Variants in CRELD2 observed in about 807,000 individuals in gnomAD.
CRELD2 encodes the protein protein disulfide isomerase CRELD2.
A neutral mutation model predicts 48.1 loss-of-function variants in CRELD2; 33 were observed. The observed-to-expected ratio is 0.69, with a 90% CI of 0.52 to 0.92. The LOEUF is 0.92. CRELD2 is among the 40% of genes least tolerant of loss of function. The probability of loss-of-function intolerance (pLI) is 0.00; values close to 1 mark genes in which losing one functional copy is unlikely to be tolerated. For missense variants in CRELD2, 477 were observed against 482.4 expected (o/e 0.99, Z 0.10); for synonymous variants, 220 against 203.9 (o/e 1.08, Z -0.67).
At chr22:49,925,254 T>G in intron 8 of CRELD2, 163 bp from the exon 9 acceptor site, 1 of 556,450 alleles carries the variant, frequency 1.8e-6, no homozygotes, top group Non-Finnish European at 3.1e-6. Flanking sequence ...GACGTGAAAT[T>G]CTTCCCTCTC....
At chr22:49,919,970 A>G (rs920207079) in intron 3 of CRELD2, 130 bp downstream of exon 3, 2 of 819,474 alleles carry the variant, frequency 2.4e-6, no homozygotes, top group African/African-American at 3.5e-5. Flanking sequence ...TTACCCCTGC[A>G]TTACCGTTTT....
chr22:49,919,116 A>C, intron 1 of CRELD2, 114 bp from the exon 2 acceptor site: 1 of 1,133,322 alleles, frequency 8.8e-7, no homozygotes, highest in Non-Finnish European at 1.3e-6. Context: ...CCACCGTGGA[A>C]CCAGGGTCGA....
At chr22:49,925,673 G>C (rs2060754882) in intron 9 of CRELD2, 116 bp downstream of exon 9, 1 of 1,544,176 alleles carries the variant, frequency 6.5e-7, no homozygotes, top group Non-Finnish European at 8.7e-7. Flanking sequence ...GATGGTGAGA[G>C]GGGGATTCCC....
At chr22:49,923,568 G>GC (rs939109582) in intron 7 of CRELD2, 28 of 598,998 alleles carry the variant, frequency 4.7e-5, no homozygotes, top group Non-Finnish European at 5.8e-5. Context: ...CACTGCTCGT[G>GC]CCCCCCCAGC....
At position 49,925,492 on chromosome 22, in the gene CRELD2, A is replaced by G. The variant is rs1223870064; in HGVS notation, c.944A>G (p.Tyr315Cys). ...NENCYNTPGS[Y>C]VCVCPDGFEE... Reference sequence around the variant, plus strand: ...AACTGCTACAATACTCCAGGGAGCTACGTCTGTGTGTGTCCTGACGGCTTC... The same window carrying G: ...AACTGCTACAATACTCCAGGGAGCTGCGTCTGTGTGTGTCCTGACGGCTTC... The change falls in exon 9 of 10, where the codon TAC (tyrosine) becomes TGC (cysteine). Residue 315 changes from tyrosine to cysteine, a missense_variant. Transcript: ENST00000328268. The G allele has an allele frequency of 1.9e-6, 3 of 1,613,936 alleles. No individual in the cohort carries two copies. Among genetic ancestry groups the G allele is most frequent in the African/African-American group, 2.7e-5 (2 of 74,962 alleles).
At chr22:49,925,860 A>C (rs1791452160) in intron 9 of CRELD2, 1 of 752,272 alleles carries the variant, frequency 1.3e-6, no homozygotes, top group Admixed American at 4.5e-5. Flanking sequence ...GAGAAGAGGC[A>C]GCTAAAGAGC....
At position 49,919,805 on chromosome 22, in the gene CRELD2, G is replaced by T; in HGVS notation, c.288G>T (p.Ala96=). 2 of 1,612,564 alleles carry T rather than the reference G, an allele frequency of 1.2e-6. No individual in the cohort carries two copies. Among genetic ancestry groups the T allele is most frequent in the Non-Finnish European group, 1.7e-6 (2 of 1,179,360 alleles). ...TCGAATGCAATCAGATGCTAGAGGC[G>T]CAGGAGGAGCACCTGGAGGCCTGGT... is the stretch of plus-strand genomic sequence containing the variant. The part of the protein sequence containing the change: ...SDFECNQMLE[A]QEEHLEAWWL... Residue 96 remains alanine, a synonymous_variant, in exon 3 of 10, where the codon GCG becomes GCT. Coordinates refer to ENST00000328268, the MANE Select transcript of CRELD2 (RefSeq NM_024324.5).
At chr22:49,923,459 AGGTATTT>A (rs899934338) in intron 7 of CRELD2, 142 bp downstream of exon 7, 26 of 731,082 alleles carry the variant, frequency 3.6e-5, no homozygotes, top group Non-Finnish European at 5.4e-5. Context: ...AGTAAGTCAT[AGGTATTT>A]GCTGCAGGAA....
In CRELD2 at chr22:49,925,464, G is replaced by T. The variant is rs776108424; in HGVS notation, c.916G>T (p.Glu306Ter). Residue 306 changes from glutamate (E) to a stop codon, truncating the protein, a stop_gained, in exon 9 of 10, where the codon GAA (glutamate) becomes TAA (stop). Coordinates refer to ENST00000328268, the MANE Select transcript of CRELD2 (RefSeq NM_024324.5). LOFTEE classifies it high-confidence loss of function. The part of the protein sequence containing the change: ...LAEKTCVRKN[E>*]NCYNTPGSYV... The stretch of plus-strand genomic sequence containing the variant: ...AGAAAAAACCTGTGTGAGGAAAAAC[G>T]AAAACTGCTACAATACTCCAGGGAG... 2 of 1,613,756 alleles carry T rather than the reference G, an allele frequency of 1.2e-6. No individual in the cohort carries two copies. The highest frequency in any genetic ancestry group is 1.3e-5 in the African/African-American group (1 of 75,072).
intron 3 of CRELD2, 152 bp downstream of exon 3, chr22:49,919,992 G>A (rs2060664832): frequency 1.2e-6 from 1 of 809,876 alleles, no homozygotes; most frequent in East Asian, 2.7e-5. Flanking sequence ...TATCACCAGA[G>A]TCAGCGATCA....
chr22:49,923,074 C>G (rs947711834), intron 6 of CRELD2, 160 bp from the exon 7 acceptor site: 2 of 618,996 alleles, frequency 3.2e-6, no homozygotes, highest in East Asian at 5.6e-5. Flanking sequence ...GTGGGGCCTC[C>G]GAGGATGGCA....
At chr22:49,920,077 A>G in intron 3 of CRELD2, 79 bp from the exon 4 acceptor site, 1 of 943,428 alleles carries the variant, frequency 1.1e-6, no homozygotes, top group Non-Finnish European at 1.7e-6. Context: ...ACTCCAGAGC[A>G]TATGTTACGT....
chr22:49,927,328 A>C lies in CRELD2; in HGVS notation c.*21A>C. 2.5e-6 allele frequency: 4 copies of C among 1,604,190 alleles called. No individual in the cohort carries two copies. The highest frequency in any genetic ancestry group is 3.4e-6 in the Non-Finnish European group (4 of 1,172,402). Reference sequence around the variant, plus strand: ...TGTAATGTGCCGGACTTACCCTTTAAATTATTCAGAAGGATGTCCCGTGGA... The same window carrying C: ...TGTAATGTGCCGGACTTACCCTTTACATTATTCAGAAGGATGTCCCGTGGA... On this transcript the variant is annotated 3_prime_UTR_variant, in exon 10 of 10. Transcript: ENST00000328268.
Position 49,925,448 on chromosome 22 carries a change from CTG to C in CRELD2, c.905_906del (p.Val302GlufsTer19). The C allele has an allele frequency of 1.9e-6, 3 of 1,613,164 alleles. No homozygotes were observed. The highest frequency in any genetic ancestry group is 2.5e-6 in the Non-Finnish European group (3 of 1,179,520). Reference protein sequence around the residue: ...VDECSLAEKTCVRKNENCYNT... With the variant: ...VDECSLAEKTXVRKNENCYNT... ...ACGAGTGCTCACTAGCAGAAAAAAC[CTG>C]TGTGAGGAAAAACGAAAACTGCTAC... On this transcript the variant is annotated frameshift_variant, in exon 9 of 10. Coordinates refer to ENST00000328268, the MANE Select transcript of CRELD2 (RefSeq NM_024324.5). LOFTEE classifies it high-confidence loss of function.
intron 3 of CRELD2, 31 bp downstream of exon 3, chr22:49,919,871 T>G (rs748013163): frequency 3.4e-6 from 5 of 1,451,002 alleles, no homozygotes; most frequent in Non-Finnish European, 4.8e-6. Context: ...TAGAAGATAC[T>G]TTTTATTTTC....
intron 2 of CRELD2, 41 bp downstream of exon 2, chr22:49,919,353 C>A: frequency 6.3e-7 from 1 of 1,584,864 alleles, no homozygotes; most frequent in Non-Finnish European, 8.7e-7. Flanking sequence ...TGGCCTGGCG[C>A]TGTCCTGGGA....
At chr22:49,922,277 A>G (rs780169853) in intron 5 of CRELD2, 131 of 1,445,592 alleles carry the variant, frequency 9.1e-5, no homozygotes, top group African/African-American at 1.4e-4. Context: ...GGCCTCTCCG[A>G]TTCTTACGCC....
intron 9 of CRELD2, chr22:49,926,297 C>T (rs530430833): frequency 3.3e-5 from 5 of 152,366 alleles, no homozygotes; most frequent in African/African-American, 1.2e-4. Context: ...AAGACTTCAG[C>T]GTGTTTTGGG....
At chr22:49,924,752 G>T (rs538778100) in intron 8 of CRELD2, 3 of 255,768 alleles carry the variant, frequency 1.2e-5, no homozygotes, top group South Asian at 1.0e-4. Context: ...GCTCCTGGGT[G>T]GCGATTGCCC....
Sources: gnomAD v4.1 joint callset for allele counts on GRCh38, gnomAD v4.1.1 for gene constraint, MANE v1.5 for transcripts, NCBI Gene and HGNC (gene_info 2026-07-23, HGNC 2026-07-21) for gene names.